Variants in MYO3B observed in about 807,000 individuals in gnomAD.
MYO3B encodes myosin-IIIb.
MYO3B carries 156 observed loss-of-function variants against 174.6 expected under a neutral mutation model. The ratio of observed to expected loss-of-function variants is 0.89; its 90% confidence interval spans 0.78 to 1.02. The LOEUF is 1.02. MYO3B is among the 50% of genes least tolerant of loss of function. MYO3B has a pLI of 0.00. For synonymous variants in MYO3B, 563 were observed against 569.1 expected (o/e 0.99, Z 0.15); for missense variants, 1,632 against 1,639.4 (o/e 1.00, Z 0.08).
chr2:170,369,092 G>A, intron 8 of MYO3B, 130 bp from the exon 9 acceptor site: 1 of 639,624 alleles, frequency 1.6e-6, no homozygotes, highest in Non-Finnish European at 2.5e-6. Flanking sequence ...ATTAAAGAGA[G>A]AGCTGTGTAT....
chr2:170,419,111 A>T (rs903681663), intron 22 of MYO3B, among the ~76,000 whole-genome samples: 1 of 152,234 alleles, frequency 6.6e-6, no homozygotes, highest in Non-Finnish European at 1.5e-5. Flanking sequence ...AGTTGAGCTC[A>T]AGGTCAGTTA....
intron 7 of MYO3B, among the ~76,000 whole-genome samples, chr2:170,285,622 C>T (rs2093550274): frequency 6.6e-6 from 1 of 152,174 alleles, no homozygotes. Flanking sequence ...CCCTTGTCCT[C>T]TCAAAGTGCT....
At chr2:170,455,019 C>T (rs975314750) in intron 23 of MYO3B, among the ~76,000 whole-genome samples, 15 of 152,094 alleles carry the variant, frequency 9.9e-5, no homozygotes, top group South Asian at 2.1e-4. Context: ...GCTGTTCCAT[C>T]GAGTGCCGGG....
At chr2:170,545,645 G>A (rs13405942) in intron 32 of MYO3B, among the ~76,000 whole-genome samples, 6,311 of 152,212 alleles carry the variant, frequency 0.041, 431 homozygotes, top group African/African-American at 0.14. Context: ...CTTTAGGAAA[G>A]TATCTTAAAA....
intron 32 of MYO3B, among the ~76,000 whole-genome samples, chr2:170,632,642 C>A (rs1017827524): frequency 7.2e-5 from 11 of 152,028 alleles, no homozygotes; most frequent in Admixed American, 5.2e-4. Context: ...CAGAGGAGAA[C>A]TGAAAGAGAT....
intron 7 of MYO3B, among the ~76,000 whole-genome samples, chr2:170,241,876 A>G (rs2093138355): frequency 6.6e-6 from 1 of 151,998 alleles, no homozygotes; most frequent in Non-Finnish European, 1.5e-5. Context: ...TCACAAACCA[A>G]ATTGTTCCTA....
Position 170,228,869 on chromosome 2 carries a change from G to A in MYO3B, c.604-7122G>A, listed in dbSNP as rs548883681. Among the ~76,000 whole-genome samples, 150 of 145,658 alleles carry A rather than the reference G, an allele frequency of 1.0e-3. 1 individual carries two copies. Among genetic ancestry groups the A allele is most frequent in the African/African-American group, 3.6e-3 (143 of 39,590 alleles). On this transcript the variant is annotated intron_variant, in intron 6 of 34. Coordinates refer to ENST00000408978, the MANE Select transcript of MYO3B (RefSeq NM_138995.5). ...ACAATTTCATAGTGTACAAAATGTG[G>A]ATTTAATCTTAGCTCTAGTTTTAGT... is the stretch of plus-strand genomic sequence containing the variant.
At chr2:170,292,409 C>A (rs1001771896) in intron 7 of MYO3B, among the ~76,000 whole-genome samples, 1 of 152,166 alleles carries the variant, frequency 6.6e-6, no homozygotes, top group Non-Finnish European at 1.5e-5. Context: ...ATGGCTGTCT[C>A]ATTAGGTCAG....
intron 1 of MYO3B, among the ~76,000 whole-genome samples, chr2:170,194,386 TC>T (rs2092575183): frequency 6.6e-6 from 1 of 151,844 alleles, no homozygotes; most frequent in Admixed American, 6.6e-5. Flanking sequence ...GCACCTGTGG[TC>T]CCATCTACTC....
intron 30 of MYO3B, among the ~76,000 whole-genome samples, chr2:170,535,859 G>A (rs1040289201): frequency 6.6e-6 from 1 of 152,156 alleles, no homozygotes; most frequent in Non-Finnish European, 1.5e-5. Context: ...CTCAGCCCAC[G>A]GCTCTGTATC....
At chr2:170,401,422 A>C (rs749795974) in intron 17 of MYO3B, 59 bp from the exon 18 acceptor site, 31 of 1,497,106 alleles carry the variant, frequency 2.1e-5, no homozygotes, top group African/African-American at 1.0e-4. Flanking sequence ...TAAATGCTGA[A>C]CAGACTGACT....
chr2:170,281,827 A>G (rs116430100), intron 7 of MYO3B, among the ~76,000 whole-genome samples: 378 of 152,318 alleles, frequency 2.5e-3, no homozygotes, highest in African/African-American at 8.7e-3. Flanking sequence ...CACTAGCTAG[A>G]CTAATAAGAA....
chr2:170,609,512 G>A (rs534354646), intron 32 of MYO3B, among the ~76,000 whole-genome samples: 1 of 152,274 alleles, frequency 6.6e-6, no homozygotes, highest in South Asian at 2.1e-4. Flanking sequence ...ATGATTAGCA[G>A]GAAGAGAGAC....
At chr2:170,393,228 T>C (rs1240415719) in intron 16 of MYO3B, among the ~76,000 whole-genome samples, 1 of 151,742 alleles carries the variant, frequency 6.6e-6, no homozygotes, top group African/African-American at 2.4e-5. Context: ...GGGTTACAGG[T>C]GTGTGCCACC....
intron 7 of MYO3B, among the ~76,000 whole-genome samples, chr2:170,332,790 A>C (rs551350234): frequency 3.0e-4 from 45 of 152,158 alleles, no homozygotes; most frequent in Non-Finnish European, 5.9e-4. Flanking sequence ...GCCAACAACT[A>C]AACAATACCC....
rs189468094 is a variant in MYO3B, at chr2:170,358,263, A to G, written c.816-10959A>G. On this transcript the variant is annotated intron_variant, in intron 8 of 34. Transcript: ENST00000408978. ...ATAATGAAACATTATTTAACAATAA[A>G]AATGAATGAAATATTAATATATGCT... is the stretch of plus-strand genomic sequence containing the variant. Among the ~76,000 whole-genome samples the G allele has an allele frequency of 7.1e-3, 1,085 of 152,364 alleles. 16 individuals are homozygous for G. The highest frequency in any genetic ancestry group is 0.024 in the African/African-American group (997 of 41,598).
chr2:170,416,339 A>G (rs1284950764), intron 22 of MYO3B, among the ~76,000 whole-genome samples: 1 of 152,074 alleles, frequency 6.6e-6, no homozygotes, highest in Admixed American at 6.5e-5. Context: ...CCTGGCCAAC[A>G]TGGTGAAACC....
Position 170,516,577 on chromosome 2 carries a change from A to G in MYO3B, c.3472+1555A>G, listed in dbSNP as rs149204383. On this transcript the variant is annotated intron_variant, in intron 29 of 34. Coordinates refer to ENST00000408978, the MANE Select transcript of MYO3B (RefSeq NM_138995.5). ...AGAATGGTGTGAACCCGTGAGGCAG[A>G]GCTTGCAGTGAGCCGAGATCGCGCC... Among the ~76,000 whole-genome samples, 1,289 of 150,688 alleles carry G rather than the reference A, an allele frequency of 8.6e-3. 17 individuals are homozygous for G. The highest frequency in any genetic ancestry group is 0.027 in the African/African-American group (1,089 of 40,932).
At chr2:170,353,652 A>AG (rs1326226970) in intron 8 of MYO3B, among the ~76,000 whole-genome samples, 3 of 152,086 alleles carry the variant, frequency 2.0e-5, no homozygotes, top group Non-Finnish European at 4.4e-5. Flanking sequence ...CTGTGCGTGT[A>AG]GGGGGGCCGG....
Sources: gnomAD v4.1 joint callset for allele counts (sites outside exome capture counted in the v4.1 genomes callset) on GRCh38, gnomAD v4.1.1 for gene constraint, MANE v1.5 for transcripts, NCBI Gene and HGNC (gene_info 2026-07-23, HGNC 2026-07-21) for gene names.